PRMT9: variants seen among roughly 807,000 people sequenced by gnomAD.
The protein encoded by PRMT9 is protein arginine N-methyltransferase 9.
A neutral mutation model predicts 83.2 loss-of-function variants in PRMT9; 59 were observed. The ratio of observed to expected loss-of-function variants is 0.71; its 90% confidence interval spans 0.57 to 0.88. The LOEUF (loss-of-function observed/expected upper bound fraction) is 0.88, where lower values mean the gene tolerates loss of function less well. Among genes scored for constraint, PRMT9 ranks in the 40% least tolerant of loss-of-function variants. The pLI is 0.00. For missense variants in PRMT9, 947 were observed against 1,021.9 expected, an observed-to-expected ratio of 0.93 and a Z score of 1.00; for synonymous variants, 333 against 353.2, an observed-to-expected ratio of 0.94 and a Z score of 0.64.
At chr4:147,672,933 AC>A (rs776916405) in intron 4 of PRMT9, 25 bp downstream of exon 4, 2 of 1,595,410 alleles carry the variant, frequency 1.3e-6, no homozygotes, top group Non-Finnish European at 1.7e-6. Context: ...AAGTATAAAC[AC>A]TAAAATTAGT....
chr4:147,679,424 C>T (rs552927579), intron 2 of PRMT9, among the ~76,000 whole-genome samples: 19 of 150,914 alleles, frequency 1.3e-4, no homozygotes, highest in Admixed American at 9.3e-4. Flanking sequence ...CCAACCTGAG[C>T]GACACAGTGA....
Position 147,657,848 on chromosome 4 carries a change from C to T in PRMT9, c.1274G>A (p.Ser425Asn), listed in dbSNP as rs755750787. ...TTCCCAACATGTTTCCTCACTAGGA[C>T]TTGTGGATAAACTATGTTCATCATC... ...QLDDEHSLST[S>N]PSEETCWEQA... Residue 425 changes from serine (S) to asparagine (N), a missense_variant, in exon 8 of 12, where the codon AGT becomes AAT. Coordinates refer to ENST00000322396, the MANE Select transcript of PRMT9 (RefSeq NM_138364.4). The T allele has an allele frequency of 3.7e-6, 6 of 1,611,446 alleles. No individual in the cohort carries two copies. Among genetic ancestry groups the T allele is most frequent in the Non-Finnish European group, 4.2e-6 (5 of 1,179,660 alleles).
chr4:147,670,980 G>C (rs1264466637), intron 4 of PRMT9, among the ~76,000 whole-genome samples: 1 of 152,008 alleles, frequency 6.6e-6, no homozygotes, highest in African/African-American at 2.4e-5. Context: ...ATGGAGGGTG[G>C]GGGGAGGTGG....
Position 147,638,309 on chromosome 4 carries a change from A to T in PRMT9, c.*223T>A. 3.7e-6 allele frequency: 2 copies of T among 543,524 alleles called. No individual in the cohort carries two copies. The highest frequency in any genetic ancestry group is 6.5e-6 in the Non-Finnish European group (2 of 306,264). 33.7% of individuals were successfully genotyped at this position (543,524 alleles called of 1,614,324 possible). A position where few individuals can be genotyped will look rare whatever the true frequency, so the allele number is the denominator to read the frequency against. ...TCGAGCAAAAGAAGTTTCCTAATTT[A>T]AAAAACTAGTGATGTATCCTTTTCC... is the stretch of plus-strand genomic sequence containing the variant. On this transcript the variant is annotated 3_prime_UTR_variant, in exon 12 of 12. Transcript: ENST00000322396.
chr4:147,656,017 A>T (rs545483731), intron 8 of PRMT9, among the ~76,000 whole-genome samples: 19 of 152,340 alleles, frequency 1.2e-4, no homozygotes, highest in African/African-American at 4.6e-4. Context: ...AAGAATCCCT[A>T]TAACAGTGCT....
chr4:147,684,032 G>GCA lies in PRMT9; in HGVS notation c.-46_-45insTG. The GCA allele has an allele frequency of 6.3e-7, 1 of 1,582,854 alleles. No homozygotes were observed. The highest frequency in any genetic ancestry group is 8.6e-7 in the Non-Finnish European group (1 of 1,159,434). On this transcript the variant is annotated 5_prime_UTR_variant, in exon 1 of 12. It adds an upstream start codon to the 5' untranslated region. Transcript: ENST00000322396. ...GCCAAAGGGAAGATATTTTGTAAAC[G>GCA]TAATTAGAAAACTCTCTCGATGCTA...
At chr4:147,661,749 C>T (rs1578910244) in intron 6 of PRMT9, among the ~76,000 whole-genome samples, 1 of 139,976 alleles carries the variant, frequency 7.1e-6, no homozygotes, top group African/African-American at 2.7e-5. Context: ...GAGATCACGC[C>T]ACTGCACTCC....
intron 2 of PRMT9, among the ~76,000 whole-genome samples, chr4:147,676,289 T>C (rs1172723140): frequency 6.6e-6 from 1 of 152,228 alleles, no homozygotes; most frequent in African/African-American, 2.4e-5. Context: ...AGTCTTGGAA[T>C]GTTATGATCA....
intron 10 of PRMT9, 83 bp downstream of exon 10, chr4:147,642,704 G>A: frequency 1.7e-6 from 2 of 1,182,568 alleles, no homozygotes; most frequent in Non-Finnish European, 2.5e-6. Flanking sequence ...ACTGTGTTTA[G>A]CTAGATTAAA....
At chr4:147,661,506 G>GC (rs978140179) in intron 6 of PRMT9, among the ~76,000 whole-genome samples, 20 of 152,030 alleles carry the variant, frequency 1.3e-4, no homozygotes, top group African/African-American at 4.8e-4. Flanking sequence ...AAATCACAAT[G>GC]CAGGCCAGGC....
At chr4:147,666,239 A>T (rs1171715975) in intron 6 of PRMT9, among the ~76,000 whole-genome samples, 1 of 152,104 alleles carries the variant, frequency 6.6e-6, no homozygotes, top group Non-Finnish European at 1.5e-5. Flanking sequence ...TTGTTTTTTA[A>T]CTTTATAGTA....
Position 147,660,904 on chromosome 4 carries a change from C to G in PRMT9, c.1088G>C (p.Gly363Ala). Residue 363 changes from glycine to alanine, a missense_variant, in exon 7 of 12, where the codon GGA (glycine) becomes GCA (alanine). By Grantham distance (60) the Gly-to-Ala change is moderately conservative. Coordinates refer to ENST00000322396, the MANE Select transcript of PRMT9 (RefSeq NM_138364.4). ...AAAGCACTCTGTCAAAGCCAAATAT[C>G]CTCCAGGAACTCGACTCATCTTTTC... Reference protein sequence around the residue: ...TTEKMSRVPGGYLALTECFEI... With the variant: ...TTEKMSRVPGAYLALTECFEI... 6.2e-7 allele frequency: 1 copy of G among 1,613,790 alleles called. No individual in the cohort carries two copies. The highest frequency in any genetic ancestry group is 1.1e-5 in the South Asian group (1 of 91,074).
intron 5 of PRMT9, among the ~76,000 whole-genome samples, chr4:147,669,561 A>G (rs905255394): frequency 1.3e-5 from 2 of 152,016 alleles, no homozygotes; most frequent in Admixed American, 1.3e-4. Context: ...CCTACTTAAA[A>G]AATAAATTGC....
At chr4:147,670,202 G>A (rs757980064) in intron 5 of PRMT9, among the ~76,000 whole-genome samples, 6 of 151,490 alleles carry the variant, frequency 4.0e-5, no homozygotes, top group Non-Finnish European at 5.9e-5. Flanking sequence ...TGTTTGAGAC[G>A]GAGTTTCGCT....
chr4:147,680,058 G>A (rs1736363711), intron 2 of PRMT9, among the ~76,000 whole-genome samples: 1 of 152,168 alleles, frequency 6.6e-6, no homozygotes, highest in African/African-American at 2.4e-5. Flanking sequence ...TCACAGCTGT[G>A]CCCTCTCCAA....
At chr4:147,671,627 A>G (rs1735739417) in intron 4 of PRMT9, among the ~76,000 whole-genome samples, 1 of 152,214 alleles carries the variant, frequency 6.6e-6, no homozygotes, top group South Asian at 2.1e-4. Context: ...AATATCCAGT[A>G]TTTATGATTG....
chr4:147,669,438 C>G (rs1454509026), intron 5 of PRMT9, among the ~76,000 whole-genome samples: 2 of 151,468 alleles, frequency 1.3e-5, no homozygotes, highest in Admixed American at 6.6e-5. Flanking sequence ...TTTTTTCTCA[C>G]AATACAAATG....
At position 147,684,140 on chromosome 4, in the gene PRMT9, C is replaced by A; in HGVS notation, c.-153G>T. ...GCGGGTGAACTCGCCAACCCCAGCC[C>A]AGGCGGAAGCTCCGCCCCGTCCTGG... On this transcript the variant is annotated 5_prime_UTR_variant, in exon 1 of 12. Coordinates refer to ENST00000322396, the MANE Select transcript of PRMT9 (RefSeq NM_138364.4). 1 of 887,446 alleles carries A rather than the reference C, an allele frequency of 1.1e-6. No homozygotes were observed. Among genetic ancestry groups the A allele is most frequent in the Non-Finnish European group, 1.8e-6 (1 of 566,998 alleles). The allele number at this position is 887,446 out of a possible 1,614,324, so 55.0% of individuals were successfully genotyped here.
intron 10 of PRMT9, 34 bp downstream of exon 10, chr4:147,642,753 G>A (rs1733487053): frequency 1.3e-6 from 2 of 1,573,234 alleles, no homozygotes; most frequent in East Asian, 4.5e-5. Context: ...CTGTTCAACA[G>A]CATCCTGGTT....
Sources: allele counts gnomAD v4.1 joint callset (sites outside exome capture counted in the v4.1 genomes callset), GRCh38; gene constraint gnomAD v4.1.1; transcripts MANE v1.5; gene names NCBI Gene and HGNC (gene_info 2026-07-23, HGNC 2026-07-21).